VPS35: variants seen among roughly 807,000 people sequenced by gnomAD.
The protein encoded by VPS35 is vacuolar protein sorting-associated protein 35.
A neutral mutation model predicts 98.1 loss-of-function variants in VPS35; 21 were observed. The ratio of observed to expected loss-of-function variants is 0.21; its 90% CI spans 0.15 to 0.31. The LOEUF (loss-of-function observed/expected upper bound fraction) is 0.31. VPS35 is among the 10% of genes least tolerant of loss of function. VPS35 has a pLI of 1.00. For synonymous variants in VPS35, 268 were observed against 318.2 expected, an observed-to-expected ratio of 0.84 and a Z score of 1.68; for missense variants, 554 against 950.8, an observed-to-expected ratio of 0.58 and a Z score of 5.49.
chr16:46,676,541 C>T (rs771315277), intron 8 of VPS35, 42 bp downstream of exon 8: 6 of 1,225,140 alleles, frequency 4.9e-6, no homozygotes, highest in Non-Finnish European at 6.0e-6. Context: ...ATTCATTATT[C>T]CCAAGTCAGA....
In VPS35 at chr16:46,661,926, A is replaced by T. The variant is rs1251537956; in HGVS notation, c.2068-65T>A. 2.6e-5 allele frequency: 41 copies of T among 1,600,858 alleles called. No individual in the cohort carries two copies. The highest frequency in any genetic ancestry group is 2.0e-4 in the Admixed American group (12 of 59,668). ...AAACATCTCGTTTTCATACAAAGAA[A>T]CACAACACTACCGTGGCTCTTTCGT... On this transcript the variant is annotated intron_variant, in intron 15 of 16. Transcript: ENST00000299138. This position sits in a 1 kb window ranked among gnomAD's most constrained non-coding sequence, Gnocchi z 4.3.
chr16:46,666,060 C>G (rs573055365), intron 13 of VPS35, among the ~76,000 whole-genome samples: 1 of 151,972 alleles, frequency 6.6e-6, no homozygotes, highest in East Asian at 1.9e-4. Flanking sequence ...TGTGCCCTCA[C>G]ACCTGGCTAA....
At chr16:46,688,037 G>T (rs771866092) in intron 1 of VPS35, among the ~76,000 whole-genome samples, 2 of 152,186 alleles carry the variant, frequency 1.3e-5, no homozygotes, top group Non-Finnish European at 2.9e-5. Flanking sequence ...TTTTGCGCCG[G>T]TCTTGTATCA....
intron 12 of VPS35, among the ~76,000 whole-genome samples, chr16:46,669,864 C>A (rs1341889972): frequency 6.6e-6 from 1 of 152,136 alleles, no homozygotes; most frequent in Non-Finnish European, 1.5e-5. Flanking sequence ...AGGCTTACCA[C>A]TACTTAGCAC....
intron 13 of VPS35, among the ~76,000 whole-genome samples, chr16:46,664,024 T>C (rs1965953120): frequency 6.6e-6 from 1 of 151,678 alleles, no homozygotes; most frequent in Non-Finnish European, 1.5e-5. Context: ...AATTGTTTTT[T>C]CTGATTTGTA....
intron 12 of VPS35, among the ~76,000 whole-genome samples, chr16:46,670,251 C>T (rs537061971): frequency 5.9e-5 from 9 of 152,284 alleles, no homozygotes; most frequent in Admixed American, 2.0e-4. Flanking sequence ...TAAAGATCTC[C>T]ATACATGGGA....
chr16:46,678,538 A>G (rs1330288762), intron 6 of VPS35, among the ~76,000 whole-genome samples: 1 of 152,088 alleles, frequency 6.6e-6, no homozygotes. Flanking sequence ...CTTTTCACCA[A>G]TACCACACAG....
rs944047257 is a variant in VPS35 at position 46,656,837 on chromosome 16, C to G, written c.*3635G>C. 1 of 152,156 alleles carries G rather than the reference C, an allele frequency of 6.6e-6. No individual in the cohort carries two copies. The highest frequency in any genetic ancestry group is 2.4e-5 in the African/African-American group (1 of 41,414). The allele number at this position is 152,156 out of a possible 1,614,324, so 9.4% of individuals were successfully genotyped here. A position where few individuals can be genotyped will look rare whatever the true frequency, so the allele number is the denominator to read the frequency against. On this transcript the variant is annotated 3_prime_UTR_variant, in exon 17 of 17. Transcript: ENST00000299138. ...CTGGCCAACATGGTGAAACCCCCAT[C>G]TGTACTAAAAATACAAAAATTAGCC...
intron 4 of VPS35, among the ~76,000 whole-genome samples, chr16:46,681,124 A>T (rs2143008736): frequency 6.6e-6 from 1 of 151,946 alleles, no homozygotes; most frequent in East Asian, 1.9e-4. Context: ...AATTATATTA[A>T]TTTTTCTAAT....
intron 13 of VPS35, among the ~76,000 whole-genome samples, chr16:46,665,590 C>CA (rs36051331): frequency 0.78 from 112,308 of 143,344 alleles, 43,854 homozygotes; most frequent in East Asian, 0.99. Flanking sequence ...GACCTTGACT[C>CA]AAAAAAAAAA....
chr16:46,666,678 T>C (rs902550359), intron 13 of VPS35, among the ~76,000 whole-genome samples: 1 of 152,218 alleles, frequency 6.6e-6, no homozygotes, highest in Non-Finnish European at 1.5e-5. Flanking sequence ...TGCCTTTCTG[T>C]GTTTGGCTTA....
chr16:46,688,851 T>A, intron 1 of VPS35: 1 of 1,417,516 alleles, frequency 7.1e-7, no homozygotes, highest in Non-Finnish European at 9.2e-7. Flanking sequence ...GCCGCAGGCC[T>A]TCATGGACCC....
intron 1 of VPS35, chr16:46,688,307 A>T (rs1405292174): frequency 1.0e-6 from 1 of 986,900 alleles, no homozygotes; most frequent in Non-Finnish European, 1.2e-6. Flanking sequence ...TGCAAGTGAC[A>T]ACTTGCCTTT....
chr16:46,677,023 A>C (rs1966161749), intron 7 of VPS35, among the ~76,000 whole-genome samples: 1 of 152,034 alleles, frequency 6.6e-6, no homozygotes, highest in Non-Finnish European at 1.5e-5. Flanking sequence ...TTTTAGAAGA[A>C]GCAAGATTAC....
At chr16:46,664,310 C>A (rs1207148801) in intron 13 of VPS35, among the ~76,000 whole-genome samples, 1 of 152,056 alleles carries the variant, frequency 6.6e-6, no homozygotes, top group African/African-American at 2.4e-5. Flanking sequence ...AAGCGCGCCA[C>A]CACGCCCTGC....
In VPS35 at chr16:46,660,438, T is replaced by C. The variant is rs779980787; in HGVS notation, c.*34A>G. 61 of 1,610,628 alleles carry C rather than the reference T, an allele frequency of 3.8e-5. No individual in the cohort carries two copies. The highest frequency in any genetic ancestry group is 1.5e-4 in the Admixed American group (9 of 59,962). The stretch of plus-strand genomic sequence containing the variant: ...AGCGTAATAAAACCCTCACTGGATG[T>C]ACATGGAAAGGAGTATGGTGAGCTA... On this transcript the variant is annotated 3_prime_UTR_variant, in exon 17 of 17. Transcript: ENST00000299138.
chr16:46,672,223 G>T, intron 11 of VPS35, 42 bp downstream of exon 11: 2 of 1,573,538 alleles, frequency 1.3e-6, no homozygotes, highest in African/African-American at 1.3e-5. Context: ...GTCTAAAATT[G>T]TAACACTGTT....
At chr16:46,667,870 T>C (rs1257714844) in intron 13 of VPS35, among the ~76,000 whole-genome samples, 2 of 152,248 alleles carry the variant, frequency 1.3e-5, no homozygotes, top group Non-Finnish European at 2.9e-5. Context: ...TTCTGTTCCA[T>C]TGGTCTATGT....
Position 46,660,552 on chromosome 16 carries a change from G to A in VPS35, c.2311C>T (p.His771Tyr), listed in dbSNP as rs755770851. 1 of 1,614,080 alleles carries A rather than the reference G, an allele frequency of 6.2e-7. No individual in the cohort carries two copies. The highest frequency in any genetic ancestry group is 2.2e-5 in the East Asian group (1 of 44,862). ...EETEQINKHFHNTLEHLRLRR... is the reference protein window; with the variant it reads ...EETEQINKHFYNTLEHLRLRR... ...AAGCGCAAATGCTCCAGTGTGTTAT[G>A]AAAATGTTTGTTAATCTGCTCTGTT... The change falls in exon 17 of 17, where the codon CAT becomes TAT. Residue 771 changes from histidine (H) to tyrosine (Y), a missense_variant. Coordinates refer to ENST00000299138, the MANE Select transcript of VPS35 (RefSeq NM_018206.6).
Sources: gnomAD v4.1 joint callset for allele counts (sites outside exome capture counted in the v4.1 genomes callset) on GRCh38, gnomAD v4.1.1 for gene constraint, Gnocchi (gnomAD v3.1) non-coding constraint, MANE v1.5 for transcripts, NCBI Gene and HGNC (gene_info 2026-07-23, HGNC 2026-07-21) for gene names.